The following RAB38 variants were observed in gnomAD, a reference collection of about 807,000 sequenced individuals.
RAB38 encodes RAB38, member RAS oncogene family.
A neutral mutation model predicts 18.4 loss-of-function variants in RAB38; 15 were observed. The ratio of observed to expected loss-of-function variants is 0.82; its 90% CI spans 0.55 to 1.26. The LOEUF is 1.26. Ranked by LOEUF, RAB38 falls within the 50% of genes most tolerant of loss-of-function variation. The probability of loss-of-function intolerance (pLI) is 0.00; values close to 1 mark genes in which losing one functional copy is unlikely to be tolerated. For synonymous variants in RAB38, 101 were observed against 104.4 expected (o/e 0.97, Z 0.20); for missense variants, 294 against 267.4 (o/e 1.10, Z -0.69).
the RAB38 span, among the ~76,000 whole-genome samples, chr11:87,842,472 G>A: frequency 4.6e-5 from 7 of 152,224 alleles, no homozygotes; most frequent in African/African-American, 1.7e-4. Context: ...TGCCTCTTGC[G>A]CAGTCGGAGA....
At chr11:88,170,515 T>TAA (rs1489534787) in intron 1 of RAB38, among the ~76,000 whole-genome samples, 3 of 152,192 alleles carry the variant, frequency 2.0e-5, no homozygotes, top group African/African-American at 7.2e-5. Context: ...TCACAAACTC[T>TAA]AAAACAACAT....
At chr11:87,843,733 G>C in the RAB38 span, among the ~76,000 whole-genome samples, 1 of 152,172 alleles carries the variant, frequency 6.6e-6, no homozygotes, top group African/African-American at 2.4e-5. Context: ...GATTAAATGA[G>C]AAAATATTTT....
At chr11:87,850,714 C>CCACACACACACACACA in the RAB38 span, among the ~76,000 whole-genome samples, 2 of 146,408 alleles carry the variant, frequency 1.4e-5, no homozygotes, top group African/African-American at 5.0e-5. Flanking sequence ...CACAACACTG[C>CCACACACACACACACA]CACACACACA....
At chr11:88,106,132 G>C in the RAB38 span, among the ~76,000 whole-genome samples, 7 of 152,044 alleles carry the variant, frequency 4.6e-5, no homozygotes, top group African/African-American at 1.2e-4. Flanking sequence ...GACTTAAAGA[G>C]CAGAGACCCG....
chr11:88,061,519 T>C, the RAB38 span, among the ~76,000 whole-genome samples: 201 of 152,296 alleles, frequency 1.3e-3, 1 homozygote, highest in Middle Eastern at 3.4e-3. Context: ...AAGAATCAAA[T>C]TGCAATATGT....
Position 88,175,342 on chromosome 11 carries a change from T to C in RAB38, c.43A>G (p.Ile15Val), listed in dbSNP as rs1943375581. 2 of 1,614,068 alleles carry C rather than the reference T, an allele frequency of 1.2e-6. No homozygotes were observed. Among genetic ancestry groups the C allele is most frequent in the African/African-American group, 2.7e-5 (2 of 74,938 alleles). The change falls in exon 1 of 3, where the codon ATT becomes GTT. Residue 15 changes from isoleucine (I) to valine (V), a missense_variant. Physicochemically the swap from Ile to Val is conservative, Grantham distance 29. Coordinates refer to ENST00000243662, the MANE Select transcript of RAB38 (RefSeq NM_022337.3). ...HKEHLYKLLV[I>V]GDLGVGKTSI... ...GTCTTCCCCACGCCCAGGTCGCCAA[T>C]CACCAGCAACTTGTACAGGTGCTCC...
At chr11:88,072,976 G>A in the RAB38 span, among the ~76,000 whole-genome samples, 11 of 152,054 alleles carry the variant, frequency 7.2e-5, no homozygotes, top group South Asian at 6.2e-4. Flanking sequence ...AACTCAGAGC[G>A]AACAATAAGA....
the RAB38 span, among the ~76,000 whole-genome samples, chr11:88,045,270 C>G: frequency 6.6e-6 from 1 of 152,176 alleles, no homozygotes; most frequent in Non-Finnish European, 1.5e-5. Context: ...CACAACAGGA[C>G]TTAATTAAAC....
the RAB38 span, among the ~76,000 whole-genome samples, chr11:87,868,853 G>A: frequency 6.6e-6 from 1 of 151,654 alleles, no homozygotes; most frequent in African/African-American, 2.4e-5. Flanking sequence ...CCTCCCACAA[G>A]ACAGGAAGGC....
chr11:88,026,286 A>C, the RAB38 span, among the ~76,000 whole-genome samples: 1 of 152,026 alleles, frequency 6.6e-6, no homozygotes, highest in Non-Finnish European at 1.5e-5. Flanking sequence ...CACAACAGCC[A>C]GGTGCGCTGG....
At chr11:88,024,918 A>T in the RAB38 span, among the ~76,000 whole-genome samples, 1 of 51,752 alleles carries the variant, frequency 1.9e-5, no homozygotes. Flanking sequence ...CAAAAAAAAT[A>T]GTTAGAAAGA....
intron 1 of RAB38, among the ~76,000 whole-genome samples, chr11:88,161,384 C>G (rs1565220583): frequency 6.6e-6 from 1 of 152,054 alleles, no homozygotes; most frequent in Non-Finnish European, 1.5e-5. Flanking sequence ...TTTGTGCATA[C>G]TTCCCTGTCC....
At chr11:87,947,358 A>G in the RAB38 span, among the ~76,000 whole-genome samples, 15 of 143,534 alleles carry the variant, frequency 1.0e-4, no homozygotes, top group Admixed American at 2.1e-4. Flanking sequence ...CTCTGATGGT[A>G]GTTTCTTTTG....
At chr11:87,941,718 A>C in the RAB38 span, among the ~76,000 whole-genome samples, 1 of 152,166 alleles carries the variant, frequency 6.6e-6, no homozygotes, top group South Asian at 2.1e-4. Flanking sequence ...GAAGATTTCA[A>C]GTGTTCTCTT....
the RAB38 span, among the ~76,000 whole-genome samples, chr11:87,900,572 G>A: frequency 0.01 from 1,544 of 151,478 alleles, 30 homozygotes; most frequent in African/African-American, 0.032. Flanking sequence ...CCTCCCAACT[G>A]ACACACCAAC....
At chr11:87,953,846 T>C in the RAB38 span, among the ~76,000 whole-genome samples, 1 of 151,380 alleles carries the variant, frequency 6.6e-6, no homozygotes, top group Non-Finnish European at 1.5e-5. Flanking sequence ...ATGGAATCTG[T>C]GTTTTAGTGT....
chr11:87,949,577 G>C, the RAB38 span, among the ~76,000 whole-genome samples: 7 of 152,072 alleles, frequency 4.6e-5, no homozygotes, highest in East Asian at 1.9e-4. Context: ...CCCAGAGATT[G>C]TGGTATGTTG....
the RAB38 span, among the ~76,000 whole-genome samples, chr11:87,873,559 A>C: frequency 6.6e-6 from 1 of 151,446 alleles, no homozygotes; most frequent in Admixed American, 6.6e-5. Context: ...ATTTTCTCCT[A>C]TGTTATGTTC....
intron 2 of RAB38, among the ~76,000 whole-genome samples, chr11:88,143,765 CAT>C (rs1942947056): frequency 6.6e-6 from 1 of 152,194 alleles, no homozygotes; most frequent in South Asian, 2.1e-4. Flanking sequence ...AATAGAATGA[CAT>C]ATGCAACACC....
Sources: allele counts gnomAD v4.1 joint callset (sites outside exome capture counted in the v4.1 genomes callset), GRCh38; gene constraint gnomAD v4.1.1; transcripts MANE v1.5; gene names NCBI Gene and HGNC (gene_info 2026-07-23, HGNC 2026-07-21).